The following LRFN5 variants were observed in gnomAD, a reference collection of about 807,000 sequenced individuals.
LRFN5 encodes leucine rich repeat and fibronectin type III domain containing 5, also known as leucine-rich repeat and fibronectin type-III domain-containing protein 5.
Under a neutral mutation model 45.6 loss-of-function variants are expected in LRFN5, and 24 were observed. The observed-to-expected ratio is 0.53, with a 90% CI of 0.38 to 0.74. LRFN5 has a LOEUF of 0.74. Ranked by LOEUF, LRFN5 falls within the 30% of genes least tolerant of loss-of-function variation. The pLI is 0.00. For synonymous variants in LRFN5, 340 were observed against 313.8 expected, an observed-to-expected ratio of 1.08 and a Z score of -0.88; for missense variants, 776 against 861.5, an observed-to-expected ratio of 0.90 and a Z score of 1.24.
chr14:41,867,891 T>C (rs934891200), intron 2 of LRFN5, among the ~76,000 whole-genome samples: 6 of 152,106 alleles, frequency 3.9e-5, no homozygotes, highest in Admixed American at 2.0e-4. Flanking sequence ...TTGCCATAAT[T>C]GCAAAAAGAA....
intron 1 of LRFN5, among the ~76,000 whole-genome samples, chr14:41,750,537 T>C (rs1005332958): frequency 6.6e-6 from 1 of 151,972 alleles, no homozygotes; most frequent in Non-Finnish European, 1.5e-5. Context: ...TTGAAAATAA[T>C]AAAGTACATA....
At chr14:41,689,288 C>T (rs1882261611) in intron 1 of LRFN5, among the ~76,000 whole-genome samples, 1 of 151,844 alleles carries the variant, frequency 6.6e-6, no homozygotes, top group Non-Finnish European at 1.5e-5. Flanking sequence ...AACAGAAAAA[C>T]GATAGACAAA....
intron 1 of LRFN5, among the ~76,000 whole-genome samples, chr14:41,751,568 A>G (rs1226171784): frequency 2.0e-5 from 3 of 151,976 alleles, no homozygotes; most frequent in African/African-American, 7.3e-5. Context: ...GATACATACA[A>G]TGTATCTGTT....
At chr14:41,703,538 GT>G (rs796735713) in intron 1 of LRFN5, among the ~76,000 whole-genome samples, 18 of 150,632 alleles carry the variant, frequency 1.2e-4, no homozygotes, top group African/African-American at 3.4e-4. Flanking sequence ...GTAAGACAGT[GT>G]TTTTTTTTGT....
intron 1 of LRFN5, among the ~76,000 whole-genome samples, chr14:41,664,709 A>T (rs1002284458): frequency 6.6e-6 from 1 of 152,016 alleles, no homozygotes; most frequent in Non-Finnish European, 1.5e-5. Flanking sequence ...ATCCAATGAC[A>T]TAAACAAAAA....
chr14:41,691,597 A>T (rs529853766), intron 1 of LRFN5, among the ~76,000 whole-genome samples: 15 of 152,218 alleles, frequency 9.9e-5, no homozygotes, highest in African/African-American at 3.6e-4. Context: ...TATACGTAAC[A>T]TTTAAAATTT....
At chr14:41,716,825 A>C (rs1334873990) in intron 1 of LRFN5, among the ~76,000 whole-genome samples, 2 of 152,148 alleles carry the variant, frequency 1.3e-5, no homozygotes, top group Non-Finnish European at 2.9e-5. Context: ...TACACTGTTA[A>C]ATTAGCAAAT....
intron 2 of LRFN5, among the ~76,000 whole-genome samples, chr14:41,844,621 T>C (rs1021466270): frequency 6.6e-5 from 10 of 152,110 alleles, no homozygotes; most frequent in Non-Finnish European, 1.3e-4. Context: ...CTAATACACA[T>C]AACCATGGTA....
chr14:41,819,396 T>C (rs915989413), intron 2 of LRFN5, among the ~76,000 whole-genome samples: 6 of 152,190 alleles, frequency 3.9e-5, no homozygotes, highest in Non-Finnish European at 7.3e-5. Context: ...GATTTTGATT[T>C]TTTAATAACC....
chr14:41,828,208 T>C (rs1318282611), intron 2 of LRFN5, among the ~76,000 whole-genome samples: 10 of 152,062 alleles, frequency 6.6e-5, no homozygotes, highest in Admixed American at 6.6e-5. Flanking sequence ...AAATAGTTTC[T>C]TTCATTTATT....
At chr14:41,814,501 T>C (rs768678886) in intron 2 of LRFN5, among the ~76,000 whole-genome samples, 5 of 152,198 alleles carry the variant, frequency 3.3e-5, no homozygotes, top group African/African-American at 2.4e-5. Context: ...TTTCTTGACA[T>C]AGAGAGTTTG....
chr14:41,690,214 GA>G (rs11461909), intron 1 of LRFN5, among the ~76,000 whole-genome samples: 2 of 151,290 alleles, frequency 1.3e-5, no homozygotes, highest in African/African-American at 4.9e-5. Context: ...ATAATTAAAA[GA>G]AAAAAAAGGC....
chr14:41,818,466 CAT>C (rs572241961), intron 2 of LRFN5, among the ~76,000 whole-genome samples: 70 of 151,818 alleles, frequency 4.6e-4, no homozygotes, highest in African/African-American at 2.4e-5. Flanking sequence ...ATATCATTTA[CAT>C]ATATATATCA....
intron 1 of LRFN5, among the ~76,000 whole-genome samples, chr14:41,623,469 T>A (rs1457176476): frequency 1.3e-5 from 2 of 151,966 alleles, no homozygotes; most frequent in African/African-American, 4.8e-5. Context: ...TGTGGGGATT[T>A]AAAAAAAATT....
chr14:41,763,986 A>G (rs1363351649), intron 1 of LRFN5, among the ~76,000 whole-genome samples: 1 of 152,186 alleles, frequency 6.6e-6, no homozygotes. Context: ...GAAATTGACC[A>G]TAATTTTTTA....
chr14:41,687,871 C>A (rs1210668164), intron 1 of LRFN5, among the ~76,000 whole-genome samples: 1 of 152,112 alleles, frequency 6.6e-6, no homozygotes, highest in Non-Finnish European at 1.5e-5. Flanking sequence ...TGCAGCAAAC[C>A]ACTAGAGCAC....
intron 2 of LRFN5, among the ~76,000 whole-genome samples, chr14:41,768,819 G>T (rs943664211): frequency 6.6e-6 from 1 of 152,054 alleles, no homozygotes; most frequent in Non-Finnish European, 1.5e-5. Flanking sequence ...ATTCTCTAGT[G>T]TAAATCACAA....
At chr14:41,819,952 G>A (rs376563597) in intron 2 of LRFN5, among the ~76,000 whole-genome samples, 33 of 79,530 alleles carry the variant, frequency 4.1e-4, no homozygotes, top group African/African-American at 2.3e-3. Context: ...TTTTGATAGG[G>A]TTATTTGTTT....
intron 2 of LRFN5, among the ~76,000 whole-genome samples, chr14:41,779,151 T>C (rs554125415): frequency 6.6e-6 from 1 of 151,962 alleles, no homozygotes; most frequent in Non-Finnish European, 1.5e-5. Flanking sequence ...TAAATGTTCT[T>C]TATCAAGTTG....
Sources: allele counts gnomAD v4.1 joint callset (sites outside exome capture counted in the v4.1 genomes callset), GRCh38; gene constraint gnomAD v4.1.1; transcripts MANE v1.5; gene names NCBI Gene and HGNC (gene_info 2026-07-23, HGNC 2026-07-21).